The following DPY19L1 variants were observed in gnomAD, a reference collection of about 807,000 sequenced individuals.
The protein encoded by DPY19L1 is dpy-19 like C-mannosyltransferase 1.
A neutral mutation model predicts 96.9 loss-of-function variants in DPY19L1; 35 were observed. That is an observed-to-expected ratio of 0.36 (90% CI 0.28 to 0.48). DPY19L1 has a LOEUF of 0.48. Ranked by LOEUF, DPY19L1 falls within the 20% of genes least tolerant of loss-of-function variation. The pLI is 0.99. For synonymous variants in DPY19L1, 205 were observed against 252.6 expected (o/e 0.81, Z 1.79); for missense variants, 521 against 777.9 (o/e 0.67, Z 3.93).
rs1206995391 is a variant in DPY19L1, at chr7:34,940,254, T to G, written c.1763A>C (p.Gln588Pro). The change falls in exon 19 of 22, where the codon CAA becomes CCA. Residue 588 changes from glutamine (Q) to proline (P), a missense_variant. By Grantham distance (76) the Gln-to-Pro change is moderately conservative. Transcript: ENST00000638088. ...CTGGGTTTGCAGATTTGCTGAACCT[T>G]GTATTGACATTGCTGCTAATATAGC... Reference protein sequence around the residue: ...VFAILAAMSIQGSANLQTQWN... With the variant: ...VFAILAAMSIPGSANLQTQWN... 12 of 1,612,600 alleles carry G rather than the reference T, an allele frequency of 7.4e-6. No homozygotes were observed. The highest frequency in any genetic ancestry group is 2.2e-5 in the East Asian group (1 of 44,840).
chr7:35,015,454 G>T (rs1185734280), intron 3 of DPY19L1, among the ~76,000 whole-genome samples: 1 of 152,128 alleles, frequency 6.6e-6, no homozygotes, highest in Non-Finnish European at 1.5e-5. Flanking sequence ...GGCAACTAAA[G>T]TGATTTCTGG....
At chr7:34,945,859 T>C in intron 15 of DPY19L1, 143 bp from the exon 16 acceptor site, 1 of 650,886 alleles carries the variant, frequency 1.5e-6, no homozygotes, top group South Asian at 1.9e-5. Flanking sequence ...CACAACAACA[T>C]AATCTTATAT....
chr7:34,946,757 G>A (rs763414213), intron 15 of DPY19L1, among the ~76,000 whole-genome samples: 2 of 152,238 alleles, frequency 1.3e-5, no homozygotes, highest in Non-Finnish European at 2.9e-5. Context: ...TTGCTTTTAA[G>A]TGGACATGAT....
intron 14 of DPY19L1, among the ~76,000 whole-genome samples, chr7:34,948,575 C>T (rs1447035239): frequency 6.6e-6 from 1 of 152,148 alleles, no homozygotes; most frequent in East Asian, 1.9e-4. Context: ...TGAAGTCATG[C>T]TATGTCTCAA....
chr7:35,008,086 C>T (rs1347780870), intron 6 of DPY19L1, among the ~76,000 whole-genome samples: 3 of 151,944 alleles, frequency 2.0e-5, no homozygotes, highest in Non-Finnish European at 2.9e-5. Context: ...CCCTGGTATG[C>T]TTTTATCTTC....
intron 10 of DPY19L1, among the ~76,000 whole-genome samples, chr7:34,964,339 C>T (rs1247228864): frequency 6.6e-6 from 1 of 152,004 alleles, no homozygotes; most frequent in Non-Finnish European, 1.5e-5. Flanking sequence ...GCCATAGTTG[C>T]CTATGTGACC....
chr7:34,955,815 C>T lies in DPY19L1; in HGVS notation c.1180-448G>A, dbSNP rs116316495. 8.2e-3 allele frequency among the ~76,000 whole-genome samples: 1,248 copies of T among 152,224 alleles called. 20 individuals are homozygous for T. The highest frequency in any genetic ancestry group is 0.029 in the African/African-American group (1,194 of 41,530). ...ATTTTCAGGTGGTAATGCTTCCAAA[C>T]TGTATTACCCTTGGGGAGCTAAAAC... is the stretch of plus-strand genomic sequence containing the variant. On this transcript the variant is annotated intron_variant, in intron 11 of 21. Transcript: ENST00000638088.
chr7:34,934,083 C>A (rs1426848868), intron 21 of DPY19L1, among the ~76,000 whole-genome samples: 1 of 152,118 alleles, frequency 6.6e-6, no homozygotes, highest in Non-Finnish European at 1.5e-5. Context: ...CCTGCCTCTG[C>A]CTCCTGAGTA....
At chr7:34,965,292 A>T (rs1369599561) in intron 10 of DPY19L1, among the ~76,000 whole-genome samples, 52 of 152,316 alleles carry the variant, frequency 3.4e-4, no homozygotes, top group East Asian at 3.9e-4. Context: ...CTTTATTTAT[A>T]TGATGGAAAA....
chr7:34,960,000 C>T (rs1393221365), intron 10 of DPY19L1, among the ~76,000 whole-genome samples: 1 of 146,876 alleles, frequency 6.8e-6, no homozygotes, highest in East Asian at 2.0e-4. Context: ...TTTCTCAGTT[C>T]ATTTTTGACC....
At chr7:35,036,530 G>A (rs1336528935) in intron 1 of DPY19L1, among the ~76,000 whole-genome samples, 1 of 151,866 alleles carries the variant, frequency 6.6e-6, no homozygotes, top group African/African-American at 2.4e-5. Context: ...AGGCTCGGGC[G>A]CCCCAAACAC....
At position 34,973,509 on chromosome 7, in the gene DPY19L1, G is replaced by A. The variant is rs1367662672; in HGVS notation, c.914+5C>T. 1.3e-6 allele frequency: 2 copies of A among 1,498,780 alleles called. No homozygotes were observed. Among genetic ancestry groups the A allele is most frequent in the African/African-American group, 2.8e-5 (2 of 70,490 alleles). 92.8% of individuals were successfully genotyped at this position (1,498,780 alleles called of 1,614,324 possible). A position where few individuals can be genotyped will look rare whatever the true frequency, so the allele number is the denominator to read the frequency against. ...CAAAAAGAAATAAGGTTAAGTCAAA[G>A]TTACCTGAGAATATGAGTCACTAGC... On this transcript the variant is annotated splice_donor_5th_base_variant and intron_variant, in intron 8 of 21. Transcript: ENST00000638088.
At position 34,968,961 on chromosome 7, in the gene DPY19L1, G is replaced by T. The variant is rs143119297; in HGVS notation, c.1014+472C>A. On this transcript the variant is annotated intron_variant, in intron 9 of 21. Coordinates refer to ENST00000638088, the MANE Select transcript of DPY19L1 (RefSeq NM_001366673.1). Reference sequence around the variant, plus strand: ...ATAGATAAATTTCCAGACTGGTAGAGAGAATTTTATAAGAGATGAACTGGT... The same window carrying T: ...ATAGATAAATTTCCAGACTGGTAGATAGAATTTTATAAGAGATGAACTGGT... Among the ~76,000 whole-genome samples the T allele has an allele frequency of 8.2e-3, 1,247 of 152,122 alleles. 21 individuals carry two copies. Among genetic ancestry groups the T allele is most frequent in the African/African-American group, 0.029 (1,194 of 41,484 alleles).
rs542120953 is a variant in DPY19L1 at position 34,992,425 on chromosome 7, TGA to T, written c.765-2486_765-2485del. Among the ~76,000 whole-genome samples, 67 of 152,324 alleles carry T rather than the reference TGA, an allele frequency of 4.4e-4. No homozygotes were observed. In the South Asian group the frequency reaches 8.7e-3, roughly 20 times the overall value. On this transcript the variant is annotated intron_variant, in intron 6 of 21. Coordinates refer to ENST00000638088, the MANE Select transcript of DPY19L1 (RefSeq NM_001366673.1). Reference sequence around the variant, plus strand: ...CCTTGAGAGAGATGTGACTGTGATCTGAGTCACATATGGTTACAACTTCCGTT... The same window carrying T: ...CCTTGAGAGAGATGTGACTGTGATCTGTCACATATGGTTACAACTTCCGTT...
At chr7:34,990,970 G>A (rs1785153890) in intron 6 of DPY19L1, among the ~76,000 whole-genome samples, 2 of 152,214 alleles carry the variant, frequency 1.3e-5, no homozygotes, top group Admixed American at 6.5e-5. Flanking sequence ...AGGAAGAGAT[G>A]CAATGGCCAG....
At chr7:34,968,698 A>G (rs996337036) in intron 9 of DPY19L1, among the ~76,000 whole-genome samples, 1 of 120,240 alleles carries the variant, frequency 8.3e-6, no homozygotes, top group Non-Finnish European at 1.6e-5. Context: ...TGAACCCAGG[A>G]GGTGGGGTTG....
At chr7:35,018,502 G>T in intron 2 of DPY19L1, 70 bp downstream of exon 2, 2 of 1,348,338 alleles carry the variant, frequency 1.5e-6, no homozygotes, top group Middle Eastern at 1.9e-4. Context: ...TCCTTTAAAT[G>T]TATGGGAAAT....
At chr7:34,966,237 T>C (rs1784605194) in intron 10 of DPY19L1, among the ~76,000 whole-genome samples, 2 of 152,180 alleles carry the variant, frequency 1.3e-5, no homozygotes, top group Admixed American at 1.3e-4. Context: ...TCTGTTAGAA[T>C]GTAGTAATAT....
intron 7 of DPY19L1, among the ~76,000 whole-genome samples, chr7:34,975,660 G>A (rs976553722): frequency 2.6e-4 from 39 of 152,208 alleles, no homozygotes; most frequent in African/African-American, 9.4e-4. Context: ...CCTAGTCAGA[G>A]AGAAGTCAGT....
Sources: gnomAD v4.1 joint callset for allele counts (sites outside exome capture counted in the v4.1 genomes callset) on GRCh38, gnomAD v4.1.1 for gene constraint, MANE v1.5 for transcripts, NCBI Gene and HGNC (gene_info 2026-07-23, HGNC 2026-07-21) for gene names.